Variants in PGM5 observed in about 807,000 individuals in gnomAD.
The protein encoded by PGM5 is phosphoglucomutase-like protein 5.
A neutral mutation model predicts 59.2 loss-of-function variants in PGM5; 23 were observed. The observed-to-expected ratio is 0.39, with a 90% CI of 0.28 to 0.55. The LOEUF (loss-of-function observed/expected upper bound fraction) is 0.55, where lower values mean the gene tolerates loss of function less well. Ranked by LOEUF, PGM5 falls within the 20% of genes least tolerant of loss-of-function variation. The pLI is 0.66. For missense variants in PGM5, 574 were observed against 748.3 expected (o/e 0.77, Z 2.72); for synonymous variants, 214 against 286.0 (o/e 0.75, Z 2.54).
rs142216683 is a variant in PGM5 at position 68,499,314 on chromosome 9, G to A, written c.1567G>A (p.Ala523Thr). 1.6e-5 allele frequency: 26 copies of A among 1,614,010 alleles called. No individual in the cohort carries two copies. Among genetic ancestry groups the A allele is most frequent in the East Asian group, 8.9e-5 (4 of 44,888 alleles). ...SGVRATLRLY[A>T]ESYERDPSGH... Reference sequence around the variant, plus strand: ...TGTGCGGGCCACCCTCAGACTGTACGCAGAGAGCTACGAGAGGGATCCCAG... The same window carrying A: ...TGTGCGGGCCACCCTCAGACTGTACACAGAGAGCTACGAGAGGGATCCCAG... The change falls in exon 10 of 11, where the codon GCA becomes ACA. Residue 523 changes from alanine (A) to threonine (T), a missense_variant. Transcript: ENST00000396396.
intron 1 of PGM5, among the ~76,000 whole-genome samples, chr9:68,366,804 A>G (rs1725653951): frequency 6.6e-6 from 1 of 152,088 alleles, no homozygotes. Flanking sequence ...GGTTGTTGGG[A>G]GGATTGAATG....
At chr9:68,522,134 AAT>A (rs1165244556) in intron 10 of PGM5, among the ~76,000 whole-genome samples, 1 of 152,168 alleles carries the variant, frequency 6.6e-6, no homozygotes, top group Admixed American at 6.5e-5. Context: ...GTGCACCTGT[AAT>A]CCCAGCTACT....
chr9:68,454,235 C>G (rs994328852), intron 6 of PGM5, among the ~76,000 whole-genome samples: 16 of 152,164 alleles, frequency 1.1e-4, no homozygotes, highest in African/African-American at 3.9e-4. Flanking sequence ...CAGCCCTATC[C>G]ACACAGATCT....
At chr9:68,462,911 A>C (rs577730895) in intron 6 of PGM5, among the ~76,000 whole-genome samples, 11 of 152,244 alleles carry the variant, frequency 7.2e-5, no homozygotes, top group Non-Finnish European at 8.8e-5. Flanking sequence ...TGTTATTATA[A>C]AGGTAAATGA....
At chr9:68,400,592 A>G (rs1822641119) in intron 6 of PGM5, 2 of 152,670 alleles carry the variant, frequency 1.3e-5, no homozygotes, top group African/African-American at 4.8e-5. Context: ...CTTTTTTACA[A>G]AGAGACATCT....
intron 1 of PGM5, among the ~76,000 whole-genome samples, chr9:68,373,989 G>C (rs1224179021): frequency 1.3e-5 from 2 of 152,256 alleles, no homozygotes; most frequent in Non-Finnish European, 2.9e-5. Flanking sequence ...TCTCATACTA[G>C]TTTATCACCC....
At chr9:68,419,961 G>A (rs1204708668) in intron 6 of PGM5, among the ~76,000 whole-genome samples, 1 of 152,162 alleles carries the variant, frequency 6.6e-6, no homozygotes, top group Non-Finnish European at 1.5e-5. Flanking sequence ...TGGCGTAGCT[G>A]CCTTTGATCT....
intron 9 of PGM5, among the ~76,000 whole-genome samples, chr9:68,491,851 C>T (rs1222454685): frequency 1.1e-4 from 17 of 152,032 alleles, no homozygotes; most frequent in East Asian, 1.9e-4. Flanking sequence ...TTTAAAAAAG[C>T]GAGAAAGAAA....
chr9:68,372,901 T>A (rs1821777849), intron 1 of PGM5, among the ~76,000 whole-genome samples: 1 of 152,086 alleles, frequency 6.6e-6, no homozygotes, highest in South Asian at 2.1e-4. Context: ...AGAACACACT[T>A]ATCGTCAAGG....
intron 4 of PGM5, among the ~76,000 whole-genome samples, chr9:68,388,072 C>T (rs1168701772): frequency 9.1e-5 from 13 of 143,280 alleles, no homozygotes; most frequent in Non-Finnish European, 1.5e-4. Flanking sequence ...ATTCATACTA[C>T]AGGAACTGGA....
At chr9:68,366,053 G>C (rs1409503993) in intron 1 of PGM5, among the ~76,000 whole-genome samples, 1 of 152,138 alleles carries the variant, frequency 6.6e-6, no homozygotes, top group African/African-American at 2.4e-5. Flanking sequence ...ATTACCCAGA[G>C]TTGGTGTAGG....
Position 68,472,481 on chromosome 9 carries a change from G to A in PGM5, c.1160-6937G>A, listed in dbSNP as rs371381645. Among the ~76,000 whole-genome samples, 5 of 152,158 alleles carry A rather than the reference G, an allele frequency of 3.3e-5. No individual in the cohort carries two copies. In the East Asian group the frequency reaches 9.6e-4, roughly 29 times the overall value. On this transcript the variant is annotated intron_variant, in intron 7 of 10. Transcript: ENST00000396396. Reference sequence around the variant, plus strand: ...TTCCATCTTGACTCCCCCTCTCTTAGACAAATAGCTTAGCTTCTCTGTGAC... The same window carrying A: ...TTCCATCTTGACTCCCCCTCTCTTAAACAAATAGCTTAGCTTCTCTGTGAC...
At chr9:68,519,660 ATT>A (rs1361703837) in intron 10 of PGM5, among the ~76,000 whole-genome samples, 2 of 151,456 alleles carry the variant, frequency 1.3e-5, no homozygotes, top group African/African-American at 2.4e-5. Flanking sequence ...ATAAAAAAAA[ATT>A]AAAAAAAAAA....
intron 6 of PGM5, among the ~76,000 whole-genome samples, chr9:68,446,332 A>C (rs1198024733): frequency 3.3e-5 from 5 of 152,278 alleles, no homozygotes; most frequent in African/African-American, 1.2e-4. Context: ...AATGTGCAAC[A>C]CACTTTCCCA....
At chr9:68,376,131 C>T (rs1292678962) in intron 1 of PGM5, among the ~76,000 whole-genome samples, 1 of 152,152 alleles carries the variant, frequency 6.6e-6, no homozygotes, top group Non-Finnish European at 1.5e-5. Flanking sequence ...GTTTTAGTGA[C>T]TTGATGTGAC....
At chr9:68,363,452 C>G (rs1263966073) in intron 1 of PGM5, among the ~76,000 whole-genome samples, 1 of 152,262 alleles carries the variant, frequency 6.6e-6, no homozygotes, top group South Asian at 2.1e-4. Context: ...CATTTAAAAT[C>G]GATTTTGTTT....
intron 6 of PGM5, among the ~76,000 whole-genome samples, chr9:68,413,604 T>C (rs1332725166): frequency 3.9e-5 from 6 of 152,224 alleles, no homozygotes; most frequent in Non-Finnish European, 7.3e-5. Context: ...AAAATATGCC[T>C]CTGGAGAACT....
At chr9:68,418,586 T>C (rs1462075581) in intron 6 of PGM5, among the ~76,000 whole-genome samples, 3 of 152,056 alleles carry the variant, frequency 2.0e-5, no homozygotes, top group Non-Finnish European at 4.4e-5. Flanking sequence ...ATGCTGCAGC[T>C]GCTGCTGCAG....
chr9:68,492,116 G>C (rs76086598), intron 9 of PGM5, among the ~76,000 whole-genome samples: 1 of 152,254 alleles, frequency 6.6e-6, no homozygotes, highest in Non-Finnish European at 1.5e-5. Flanking sequence ...AGCTTCACCA[G>C]GAAATATAAA....
Sources: gnomAD v4.1 joint callset for allele counts (sites outside exome capture counted in the v4.1 genomes callset) on GRCh38, gnomAD v4.1.1 for gene constraint, MANE v1.5 for transcripts, NCBI Gene and HGNC (gene_info 2026-07-23, HGNC 2026-07-21) for gene names.